Variants in PTPN4 observed in about 807,000 individuals in gnomAD.
The protein encoded by PTPN4 is protein tyrosine phosphatase non-receptor type 4.
PTPN4 carries 49 observed loss-of-function variants against 135.5 expected under a neutral mutation model. That is an observed-to-expected ratio of 0.36 (90% confidence interval 0.29 to 0.46). The LOEUF (loss-of-function observed/expected upper bound fraction) is 0.46, where lower values mean the gene tolerates loss of function less well. Among genes scored for constraint, PTPN4 ranks in the 20% least tolerant of loss-of-function variants. The pLI, the probability that PTPN4 is intolerant of heterozygous loss-of-function variation, is 1.00. For synonymous variants in PTPN4, 333 were observed against 369.9 expected (o/e 0.90, Z 1.14); for missense variants, 860 against 1,101.0 (o/e 0.78, Z 3.10).
At chr2:119,832,119 T>C (rs375143161) in intron 2 of PTPN4, among the ~76,000 whole-genome samples, 1 of 152,190 alleles carries the variant, frequency 6.6e-6, no homozygotes, top group East Asian at 1.9e-4. Flanking sequence ...ATATCACTTT[T>C]GATTCCCATG....
At chr2:119,889,200 A>G (rs1424815441) in intron 9 of PTPN4, among the ~76,000 whole-genome samples, 1 of 152,192 alleles carries the variant, frequency 6.6e-6, no homozygotes, top group Non-Finnish European at 1.5e-5. Flanking sequence ...CGGGCGGATC[A>G]CGAGGTCAGG....
chr2:119,875,807 C>T (rs1322030020), intron 3 of PTPN4, among the ~76,000 whole-genome samples: 1 of 152,134 alleles, frequency 6.6e-6, no homozygotes, highest in Non-Finnish European at 1.5e-5. Context: ...TTGACTGAAA[C>T]AGCTTTTATC....
At chr2:119,766,425 C>T (rs1227164704) in intron 1 of PTPN4, among the ~76,000 whole-genome samples, 1 of 149,616 alleles carries the variant, frequency 6.7e-6, no homozygotes, top group Non-Finnish European at 1.5e-5. Context: ...TCCCCCATTT[C>T]ACTGGTGTAT....
Position 119,982,160 on chromosome 2 carries a change from G to C in PTPN4, c.*5090G>C, listed in dbSNP as rs1010355254. The C allele has an allele frequency of 9.2e-5, 14 of 152,192 alleles. No individual in the cohort carries two copies. The highest frequency in any genetic ancestry group is 3.4e-4 in the African/African-American group (14 of 41,462). 9.4% of individuals were successfully genotyped at this position (152,192 alleles called of 1,614,324 possible). Reference sequence around the variant, plus strand: ...AGTGCAAGAATGAAAATGTTTGAAAGCCTTGTTAAGCTCATAAAAGTTTCA... The same window carrying C: ...AGTGCAAGAATGAAAATGTTTGAAACCCTTGTTAAGCTCATAAAAGTTTCA... On this transcript the variant is annotated 3_prime_UTR_variant, in exon 27 of 27. Transcript: ENST00000263708.
At chr2:119,828,831 T>TA (rs1677181328) in intron 2 of PTPN4, among the ~76,000 whole-genome samples, 1 of 152,240 alleles carries the variant, frequency 6.6e-6, no homozygotes, top group South Asian at 2.1e-4. Context: ...TTTACATAAG[T>TA]AGAAGGCTCT....
At chr2:119,865,431 A>G (rs1022550958) in intron 3 of PTPN4, among the ~76,000 whole-genome samples, 1 of 152,108 alleles carries the variant, frequency 6.6e-6, no homozygotes, top group Non-Finnish European at 1.5e-5. Context: ...AAGATGAAAA[A>G]CTAATACTTA....
At chr2:119,904,725 G>A (rs927518952) in intron 10 of PTPN4, among the ~76,000 whole-genome samples, 1 of 152,308 alleles carries the variant, frequency 6.6e-6, no homozygotes, top group Middle Eastern at 3.4e-3. Flanking sequence ...CAGGCCAGGA[G>A]CGAATATGGT....
intron 5 of PTPN4, among the ~76,000 whole-genome samples, chr2:119,879,445 A>G (rs1678037640): frequency 6.6e-6 from 1 of 152,232 alleles, no homozygotes; most frequent in African/African-American, 2.4e-5. Flanking sequence ...AAAATGGGGT[A>G]AATGTCTAGT....
intron 9 of PTPN4, among the ~76,000 whole-genome samples, chr2:119,891,491 T>A (rs931304291): frequency 6.6e-6 from 1 of 151,882 alleles, no homozygotes; most frequent in African/African-American, 2.4e-5. Context: ...CCTGGCTAAT[T>A]TTTTTTTATT....
rs59953430 is a variant in PTPN4 at position 119,760,733 on chromosome 2, C to CTTTTTTTTTTTTTTTTTTTTTTTTTTT, written c.-18+371_-18+372insTTTTTTTTTTTTTTTTTTTTTTTTTTT. ...GAGTTTTCCATTGCTGGTAGAATTCCTTTTTTTTTTTTTTTTTTTTTTGGC... is the reference window on the plus strand; with the variant it reads ...GAGTTTTCCATTGCTGGTAGAATTCCTTTTTTTTTTTTTTTTTTTTTTTTTTTTTTTTTTTTTTTTTTTTTTTTTGGC... On this transcript the variant is annotated intron_variant, in intron 1 of 26. Transcript: ENST00000263708. Among the ~76,000 whole-genome samples the CTTTTTTTTTTTTTTTTTTTTTTTTTTT allele has an allele frequency of 2.5e-5, 2 of 79,908 alleles. 1 individual carries two copies. The highest frequency in any genetic ancestry group is 4.4e-5 in the Non-Finnish European group (2 of 45,166). 52.4% of individuals were successfully genotyped at this position (79,908 alleles called of 152,430 possible).
intron 22 of PTPN4, among the ~76,000 whole-genome samples, chr2:119,957,642 T>C (rs1356092221): frequency 1.3e-5 from 2 of 152,032 alleles, no homozygotes; most frequent in African/African-American, 2.4e-5. Flanking sequence ...AAAAAAAAAT[T>C]ACTATTTTTT....
chr2:119,842,465 T>C (rs1677395490), intron 2 of PTPN4, among the ~76,000 whole-genome samples: 1 of 152,184 alleles, frequency 6.6e-6, no homozygotes, highest in Admixed American at 6.5e-5. Flanking sequence ...TATCCAGCTT[T>C]ATAACAGTTA....
chr2:119,801,863 A>G (rs1345165692), intron 1 of PTPN4, among the ~76,000 whole-genome samples: 1 of 108,988 alleles, frequency 9.2e-6, no homozygotes, highest in Non-Finnish European at 2.0e-5. Context: ...CCTGTATGCT[A>G]TTTCTTTCTT....
Position 119,863,791 on chromosome 2 carries a change from TTAAAA to T in PTPN4, c.246+1153_246+1157del, listed in dbSNP as rs142879872. Among the ~76,000 whole-genome samples the T allele has an allele frequency of 2.3e-3, 357 of 152,230 alleles. 3 individuals are homozygous for T. The highest frequency in any genetic ancestry group is 8.1e-3 in the African/African-American group (336 of 41,552). On this transcript the variant is annotated intron_variant, in intron 3 of 26. Transcript: ENST00000263708. ...TAAATGCTTTTATACTGAACTAAAA[TTAAAA>T]TAAACTTTCCTCATACTTTGATGCC...
intron 13 of PTPN4, among the ~76,000 whole-genome samples, chr2:119,930,444 T>G (rs1366437179): frequency 6.6e-6 from 1 of 152,146 alleles, no homozygotes; most frequent in East Asian, 1.9e-4. Flanking sequence ...CCTGAAAATT[T>G]GGATATTCAT....
chr2:119,958,566 T>C (rs1198741194), intron 22 of PTPN4, among the ~76,000 whole-genome samples: 3 of 152,182 alleles, frequency 2.0e-5, no homozygotes, highest in African/African-American at 7.2e-5. Flanking sequence ...AATATATCAC[T>C]GTATATGTCA....
intron 2 of PTPN4, among the ~76,000 whole-genome samples, chr2:119,828,721 G>C (rs554151124): frequency 2.0e-5 from 3 of 152,292 alleles, no homozygotes; most frequent in African/African-American, 7.2e-5. Context: ...TAGCCATTCT[G>C]TTGCTTATGT....
chr2:119,857,820 GT>G (rs1027853589), intron 2 of PTPN4, among the ~76,000 whole-genome samples: 4 of 152,116 alleles, frequency 2.6e-5, no homozygotes, highest in Non-Finnish European at 4.4e-5. Context: ...AGCACTTGAA[GT>G]TTTTTTGTAC....
chr2:119,909,181 G>A, intron 10 of PTPN4, among the ~76,000 whole-genome samples: 1 of 152,192 alleles, frequency 6.6e-6, no homozygotes, highest in Non-Finnish European at 1.5e-5. Flanking sequence ...CAATGTAGAT[G>A]AAACAGCCTT....
Sources: gnomAD v4.1 joint callset for allele counts (sites outside exome capture counted in the v4.1 genomes callset) on GRCh38, gnomAD v4.1.1 for gene constraint, MANE v1.5 for transcripts, NCBI Gene and HGNC (gene_info 2026-07-23, HGNC 2026-07-21) for gene names.